Variants in SNTG1 observed in about 807,000 individuals in gnomAD.
SNTG1 encodes gamma-1-syntrophin.
Under a neutral mutation model 74.7 loss-of-function variants are expected in SNTG1, and 39 were observed. The ratio of observed to expected loss-of-function variants is 0.52; its 90% confidence interval spans 0.40 to 0.68. The LOEUF (loss-of-function observed/expected upper bound fraction) is 0.68, where lower values mean the gene tolerates loss of function less well. Among genes scored for constraint, SNTG1 ranks in the 30% least tolerant of loss-of-function variants. SNTG1 has a pLI of 0.00. For missense variants in SNTG1, 685 were observed against 609.5 expected (o/e 1.12, Z -1.30); for synonymous variants, 254 against 217.1 (o/e 1.17, Z -1.49).
chr8:50,614,618 A>C (rs2094874087), intron 13 of SNTG1, among the ~76,000 whole-genome samples: 1 of 152,180 alleles, frequency 6.6e-6, no homozygotes, highest in African/African-American at 2.4e-5. Context: ...TTTTAATTAT[A>C]CAATCATACC....
At chr8:50,010,380 A>G (rs1242894603) in intron 1 of SNTG1, among the ~76,000 whole-genome samples, 2 of 152,172 alleles carry the variant, frequency 1.3e-5, no homozygotes, top group African/African-American at 4.8e-5. Flanking sequence ...GTTAGGAAGG[A>G]GTGCTCTTTG....
chr8:50,297,616 G>T (rs561677588), intron 2 of SNTG1, among the ~76,000 whole-genome samples: 1 of 152,266 alleles, frequency 6.6e-6, no homozygotes, highest in Non-Finnish European at 1.5e-5. Context: ...AGGTGGGGAG[G>T]CTACACAGTG....
intron 8 of SNTG1, among the ~76,000 whole-genome samples, chr8:50,461,604 T>C (rs1048427194): frequency 3.9e-5 from 6 of 152,198 alleles, no homozygotes; most frequent in African/African-American, 1.4e-4. Context: ...TCCAATACTA[T>C]CTTATATATT....
At chr8:49,982,126 C>T (rs867909516) in intron 1 of SNTG1, among the ~76,000 whole-genome samples, 2 of 152,110 alleles carry the variant, frequency 1.3e-5, no homozygotes, top group Admixed American at 1.3e-4. Context: ...AGATGCTTTC[C>T]TAGTTCCACA....
At chr8:50,510,368 TA>T (rs1464766719) in intron 9 of SNTG1, among the ~76,000 whole-genome samples, 1 of 152,014 alleles carries the variant, frequency 6.6e-6, no homozygotes, top group African/African-American at 2.4e-5. Context: ...ATATTGGTCT[TA>T]AATTGTCTTT....
chr8:50,769,962 T>C (rs146018620), intron 18 of SNTG1, among the ~76,000 whole-genome samples: 1 of 152,198 alleles, frequency 6.6e-6, no homozygotes, highest in East Asian at 1.9e-4. Flanking sequence ...CCAAACTCAG[T>C]AATGAGGATC....
At chr8:50,464,484 T>C (rs1393059712) in intron 8 of SNTG1, among the ~76,000 whole-genome samples, 1 of 152,148 alleles carries the variant, frequency 6.6e-6, no homozygotes, top group Non-Finnish European at 1.5e-5. Context: ...TAGGAAGGCC[T>C]GCAGAGAGGG....
At chr8:49,941,796 T>A (rs1384900576) in intron 1 of SNTG1, among the ~76,000 whole-genome samples, 2 of 152,190 alleles carry the variant, frequency 1.3e-5, no homozygotes. Context: ...GTCATTCTAA[T>A]ATATGTTAAT....
chr8:50,403,467 C>T (rs747767117), intron 4 of SNTG1, among the ~76,000 whole-genome samples: 1 of 152,110 alleles, frequency 6.6e-6, no homozygotes, highest in Non-Finnish European at 1.5e-5. Context: ...CCTTTCTTCC[C>T]TTTGGTTAAT....
chr8:50,538,687 C>A (rs944567813), intron 11 of SNTG1, among the ~76,000 whole-genome samples: 1 of 151,878 alleles, frequency 6.6e-6, no homozygotes. Flanking sequence ...CCTAAATGGG[C>A]TTTATTCTGC....
chr8:50,032,745 A>T (rs554870092), intron 1 of SNTG1, among the ~76,000 whole-genome samples: 67 of 152,328 alleles, frequency 4.4e-4, no homozygotes, highest in African/African-American at 1.5e-3. Context: ...CTTCACTTCC[A>T]GGAAGCAGAA....
At chr8:49,967,715 G>T (rs1811276779) in intron 1 of SNTG1, among the ~76,000 whole-genome samples, 1 of 152,176 alleles carries the variant, frequency 6.6e-6, no homozygotes, top group Admixed American at 6.5e-5. Flanking sequence ...AGTGAGAATT[G>T]ATAAGTGTTA....
intron 15 of SNTG1, among the ~76,000 whole-genome samples, chr8:50,684,322 A>G (rs537582012): frequency 6.6e-6 from 1 of 152,220 alleles, no homozygotes; most frequent in Non-Finnish European, 1.5e-5. Flanking sequence ...AATCTGGAAG[A>G]TGAATCTTAG....
intron 5 of SNTG1, among the ~76,000 whole-genome samples, chr8:50,438,967 C>G (rs2093332834): frequency 6.6e-6 from 1 of 151,872 alleles, no homozygotes; most frequent in African/African-American, 2.4e-5. Context: ...CTAATAAAGC[C>G]CAATAGTAAG....
intron 1 of SNTG1, among the ~76,000 whole-genome samples, chr8:49,942,474 AT>A (rs547370287): frequency 5.3e-5 from 8 of 151,948 alleles, no homozygotes; most frequent in Admixed American, 2.0e-4. Flanking sequence ...TATCAATGCC[AT>A]TTTTTTTACT....
chr8:50,344,855 A>T (rs1239780329), intron 2 of SNTG1, among the ~76,000 whole-genome samples: 1 of 152,286 alleles, frequency 6.6e-6, no homozygotes, highest in East Asian at 1.9e-4. Flanking sequence ...GTATTACAAG[A>T]TACGGCCTTT....
intron 12 of SNTG1, among the ~76,000 whole-genome samples, chr8:50,590,567 A>C (rs1585778462): frequency 6.6e-6 from 1 of 152,274 alleles, no homozygotes; most frequent in East Asian, 1.9e-4. Flanking sequence ...ACAGAAAGTT[A>C]CACTCTGCAT....
At chr8:50,452,271 T>G (rs539675863) in intron 8 of SNTG1, among the ~76,000 whole-genome samples, 1 of 152,318 alleles carries the variant, frequency 6.6e-6, no homozygotes, top group African/African-American at 2.4e-5. Context: ...TTCCCAAGTT[T>G]CCTACAAATA....
chr8:49,947,769 C>T (rs926461583), intron 1 of SNTG1, among the ~76,000 whole-genome samples: 5 of 152,114 alleles, frequency 3.3e-5, no homozygotes, highest in African/African-American at 1.2e-4. Flanking sequence ...TAGGAAAATG[C>T]TCAAAGATAC....
Sources: gnomAD v4.1 joint callset for allele counts (sites outside exome capture counted in the v4.1 genomes callset) on GRCh38, gnomAD v4.1.1 for gene constraint, MANE v1.5 for transcripts, NCBI Gene and HGNC (gene_info 2026-07-23, HGNC 2026-07-21) for gene names.